ETV5: variants seen among roughly 807,000 people sequenced by gnomAD.
ETV5 encodes ETS variant transcription factor 5.
In ETV5, 10 loss-of-function variants were observed where a neutral mutation model predicts 70.0. The observed-to-expected ratio is 0.14, with a 90% CI of 0.09 to 0.24. ETV5 has a LOEUF of 0.24. Ranked by LOEUF, ETV5 falls within the 10% of genes least tolerant of loss-of-function variation. The pLI, the probability that ETV5 is intolerant of heterozygous loss-of-function variation, is 1.00. For synonymous variants in ETV5, 216 were observed against 242.2 expected (o/e 0.89, Z 1.01); for missense variants, 453 against 651.2 (o/e 0.70, Z 3.31).
chr3:186,066,134 G>A, intron 7 of ETV5, 62 bp from the exon 8 acceptor site: 2 of 1,432,862 alleles, frequency 1.4e-6, no homozygotes, highest in Non-Finnish European at 1.9e-6. Context: ...CTATGATTGA[G>A]CACTGGGGAC....
intron 1 of ETV5, chr3:186,108,630 AC>A: frequency 1.7e-6 from 2 of 1,155,086 alleles, no homozygotes; most frequent in Non-Finnish European, 2.2e-6. Flanking sequence ...AAGCCTCGCA[AC>A]TCCGCGATCC....
chr3:186,062,992 C>G (rs144083519), intron 9 of ETV5, among the ~76,000 whole-genome samples: 2 of 152,242 alleles, frequency 1.3e-5, no homozygotes, highest in African/African-American at 4.8e-5. Flanking sequence ...GAAAACTAGG[C>G]TGGGCGCGGT....
Position 186,105,533 on chromosome 3 carries a change from T to C in ETV5, c.134-37A>G, listed in dbSNP as rs766262318. The C allele has an allele frequency of 4.3e-6, 7 of 1,613,512 alleles. No homozygotes were observed. The African/African-American group carries it at 5.3e-5, about 12-fold the overall frequency. ...AAAGAAGACCCCAGAATGAGGATAT[T>C]TCTTTCGCTAGGGAGAAGACAGGGA... is the stretch of plus-strand genomic sequence containing the variant. On this transcript the variant is annotated intron_variant, in intron 3 of 12. Transcript: ENST00000306376. This position sits in a 1 kb window ranked among gnomAD's most constrained non-coding sequence, Gnocchi z 4.5.
At chr3:186,074,043 A>C (rs567919391) in intron 7 of ETV5, among the ~76,000 whole-genome samples, 2 of 152,302 alleles carry the variant, frequency 1.3e-5, no homozygotes, top group Non-Finnish European at 2.9e-5. Flanking sequence ...GAAACAGAAA[A>C]CACCCGAGAG....
intron 5 of ETV5, among the ~76,000 whole-genome samples, chr3:186,094,788 T>C (rs1180392584): frequency 1.3e-5 from 2 of 152,176 alleles, no homozygotes; most frequent in African/African-American, 2.4e-5. Flanking sequence ...ATCTCAGAAC[T>C]TGTGGGATGT....
chr3:186,073,639 C>T (rs781266275), intron 7 of ETV5, among the ~76,000 whole-genome samples: 2 of 152,198 alleles, frequency 1.3e-5, no homozygotes, highest in Non-Finnish European at 2.9e-5. Flanking sequence ...AGAAACATAT[C>T]TATAAAGAAC....
chr3:186,060,159 C>T (rs924549681), intron 9 of ETV5, among the ~76,000 whole-genome samples: 2 of 152,180 alleles, frequency 1.3e-5, no homozygotes, highest in East Asian at 3.9e-4. Context: ...ATCTGTCAAA[C>T]TTGCCATGTT....
intron 9 of ETV5, among the ~76,000 whole-genome samples, chr3:186,059,022 A>G (rs1040363392): frequency 2.0e-5 from 3 of 151,250 alleles, no homozygotes; most frequent in East Asian, 3.9e-4. Context: ...CAAAAAAAAA[A>G]AAATAAAATA....
chr3:186,090,191 A>G (rs1714148725), intron 5 of ETV5, among the ~76,000 whole-genome samples: 1 of 152,240 alleles, frequency 6.6e-6, no homozygotes, highest in African/African-American at 2.4e-5. Context: ...CGACAAATGA[A>G]GAAAGCCACC....
intron 5 of ETV5, among the ~76,000 whole-genome samples, chr3:186,085,789 C>T (rs752511941): frequency 6.6e-6 from 1 of 152,120 alleles, no homozygotes; most frequent in African/African-American, 2.4e-5. Context: ...GGATTACAGG[C>T]GTGAGCCACC....
At chr3:186,104,583 AAG>A (rs1203529181) in intron 5 of ETV5, among the ~76,000 whole-genome samples, 25 of 152,188 alleles carry the variant, frequency 1.6e-4, no homozygotes, top group Admixed American at 1.6e-3. Context: ...CTTTAAGAAA[AAG>A]AGAAATATCA....
intron 9 of ETV5, among the ~76,000 whole-genome samples, chr3:186,063,214 G>C (rs1713351083): frequency 6.6e-6 from 1 of 152,000 alleles, no homozygotes. Context: ...AGCTTGCAGT[G>C]AGCGGAGATC....
chr3:186,107,668 A>C (rs898757419), intron 1 of ETV5, among the ~76,000 whole-genome samples: 40 of 151,118 alleles, frequency 2.6e-4, no homozygotes, highest in Admixed American at 1.6e-3. Flanking sequence ...TTGCCCCCCC[A>C]CCACCCGCGC....
intron 1 of ETV5, chr3:186,108,658 C>T: frequency 8.6e-7 from 1 of 1,157,628 alleles, no homozygotes; most frequent in Admixed American, 4.1e-5. Context: ...CACTCGGGAG[C>T]CCCCGCACTC....
chr3:186,050,485 T>C (rs1332822027), intron 12 of ETV5, among the ~76,000 whole-genome samples: 1 of 152,174 alleles, frequency 6.6e-6, no homozygotes, highest in Non-Finnish European at 1.5e-5. Flanking sequence ...CCTGATGATA[T>C]CAACTCTAAG....
chr3:186,089,590 G>T (rs886778162), intron 5 of ETV5, among the ~76,000 whole-genome samples: 16 of 152,180 alleles, frequency 1.1e-4, no homozygotes, highest in Non-Finnish European at 2.1e-4. Flanking sequence ...TGTGAGAAGT[G>T]AGAGAATCAA....
At chr3:186,092,695 A>G (rs562924150) in intron 5 of ETV5, among the ~76,000 whole-genome samples, 47 of 151,830 alleles carry the variant, frequency 3.1e-4, no homozygotes, top group African/African-American at 1.0e-3. Context: ...CAGCCCCCCA[A>G]AGTGTTGGGA....
rs1169978536 is a variant in ETV5 at position 186,048,879 on chromosome 3, C to T, written c.1312-19G>A. The T allele has an allele frequency of 6.2e-7, 1 of 1,601,708 alleles. No homozygotes were observed. Among genetic ancestry groups the T allele is most frequent in the East Asian group, 2.2e-5 (1 of 44,746 alleles). Reference sequence around the variant, plus strand: ...CAGCCACCTGCGGGAGAACACACACCTTACAGGGCCCAGTTGGAACAGGGC... The same window carrying T: ...CAGCCACCTGCGGGAGAACACACACTTTACAGGGCCCAGTTGGAACAGGGC... On this transcript the variant is annotated intron_variant, in intron 12 of 12. Coordinates refer to ENST00000306376, the MANE Select transcript of ETV5 (RefSeq NM_004454.3).
intron 9 of ETV5, among the ~76,000 whole-genome samples, chr3:186,059,010 C>T (rs1162420283): frequency 1.5e-5 from 2 of 135,034 alleles, no homozygotes; most frequent in Non-Finnish European, 3.1e-5. Flanking sequence ...GAGGCTCTGT[C>T]TCAAAAAAAA....
Sources: gnomAD v4.1 joint callset for allele counts (sites outside exome capture counted in the v4.1 genomes callset) on GRCh38, gnomAD v4.1.1 for gene constraint, Gnocchi (gnomAD v3.1) non-coding constraint, MANE v1.5 for transcripts, NCBI Gene and HGNC (gene_info 2026-07-23, HGNC 2026-07-21) for gene names.